NEO1: variants seen among roughly 807,000 people sequenced by gnomAD.
NEO1 encodes neogenin 1, also known as neogenin.
In NEO1, 63 loss-of-function variants were observed where a neutral mutation model predicts 159.7. That is an observed-to-expected ratio of 0.39 (90% CI 0.32 to 0.49). The LOEUF (loss-of-function observed/expected upper bound fraction) is 0.49, where lower values mean the gene tolerates loss of function less well. Among genes scored for constraint, NEO1 ranks in the 20% least tolerant of loss-of-function variants. The pLI, the probability that NEO1 is intolerant of heterozygous loss-of-function variation, is 0.85. For missense variants in NEO1, 1,615 were observed against 1,831.0 expected, an observed-to-expected ratio of 0.88 and a Z score of 2.15; for synonymous variants, 633 against 662.0, an observed-to-expected ratio of 0.96 and a Z score of 0.67.
chr15:73,272,486 T>C lies in NEO1; in HGVS notation c.2889T>C (p.Val963=). The C allele has an allele frequency of 6.2e-7, 1 of 1,614,090 alleles. No homozygotes were observed. Among genetic ancestry groups the C allele is most frequent in the Non-Finnish European group, 8.5e-7 (1 of 1,179,958 alleles). The change falls in exon 19 of 29, where the codon GTT becomes GTC. Residue 963 remains valine (V), a synonymous_variant. Coordinates refer to ENST00000261908, the MANE Select transcript of NEO1 (RefSeq NM_002499.4). Reference sequence around the variant, plus strand: ...CTTCTCCACCCAAGGATGTGACTGTTGTGAGTAAAGAGGGGAAACCTAAGA... The same window carrying C: ...CTTCTCCACCCAAGGATGTGACTGTCGTGAGTAAAGAGGGGAAACCTAAGA... ...VPTSPPKDVT[V]VSKEGKPKTI...
At chr15:73,055,540 A>G (rs2067653725) in intron 1 of NEO1, among the ~76,000 whole-genome samples, 1 of 152,120 alleles carries the variant, frequency 6.6e-6, no homozygotes, top group Non-Finnish European at 1.5e-5. Flanking sequence ...TAGTATCTAA[A>G]GCTTATCTCA....
At chr15:73,273,776 G>A (rs1330805727) in intron 19 of NEO1, 35 bp from the exon 20 acceptor site, 2 of 1,536,784 alleles carry the variant, frequency 1.3e-6, no homozygotes, top group African/African-American at 2.7e-5. Context: ...AAAAGCAGGA[G>A]TGAGATTTCT....
At chr15:73,252,396 G>A (rs2040123684) in intron 11 of NEO1, among the ~76,000 whole-genome samples, 1 of 152,170 alleles carries the variant, frequency 6.6e-6, no homozygotes, top group South Asian at 2.1e-4. Flanking sequence ...CTAAAGTGAG[G>A]AACTAAAGTT....
intron 6 of NEO1, 60 bp from the exon 7 acceptor site, chr15:73,178,243 TGAGA>T: frequency 6.8e-7 from 1 of 1,466,772 alleles, no homozygotes; most frequent in Admixed American, 2.0e-5. Context: ...AGCATATTTT[TGAGA>T]TTTTGATCTG....
At chr15:73,057,432 A>G (rs993979575) in intron 1 of NEO1, among the ~76,000 whole-genome samples, 3 of 152,134 alleles carry the variant, frequency 2.0e-5, no homozygotes, top group Non-Finnish European at 2.9e-5. Flanking sequence ...TTACCATATC[A>G]TTGGTAAGTG....
intron 8 of NEO1, among the ~76,000 whole-genome samples, chr15:73,238,625 A>G (rs1271386078): frequency 6.6e-6 from 1 of 151,940 alleles, no homozygotes; most frequent in Non-Finnish European, 1.5e-5. Flanking sequence ...TCATTTGGAG[A>G]ACAGGAAAGG....
At chr15:73,262,847 G>C (rs902052162) in intron 15 of NEO1, among the ~76,000 whole-genome samples, 4 of 152,162 alleles carry the variant, frequency 2.6e-5, no homozygotes, top group Non-Finnish European at 4.4e-5. Context: ...GTGGTAAATC[G>C]TGATATATCC....
At chr15:73,216,294 G>A (rs1383003147) in intron 7 of NEO1, among the ~76,000 whole-genome samples, 1 of 152,066 alleles carries the variant, frequency 6.6e-6, no homozygotes, top group Non-Finnish European at 1.5e-5. Context: ...AGTATTCCAT[G>A]GTGTATATGT....
chr15:73,098,494 TAGGTAAATACACTCATTTTTCTCC>T (rs1247105358), intron 1 of NEO1, among the ~76,000 whole-genome samples: 1 of 152,182 alleles, frequency 6.6e-6, no homozygotes, highest in African/African-American at 2.4e-5. Context: ...CTACATTTCT[TAGGTAAATACACTCATTTTTCTCC>T]AAACTTACTT....
At chr15:73,154,953 G>T (rs2033668577) in intron 5 of NEO1, among the ~76,000 whole-genome samples, 3 of 149,070 alleles carry the variant, frequency 2.0e-5, no homozygotes, top group Admixed American at 2.0e-4. Context: ...ATGGAATTCT[G>T]TTGTGTTGCC....
intron 1 of NEO1, among the ~76,000 whole-genome samples, chr15:73,089,715 C>T (rs943064566): frequency 6.6e-6 from 1 of 151,590 alleles, no homozygotes; most frequent in Non-Finnish European, 1.5e-5. Flanking sequence ...TAGATTGATA[C>T]AGCCTTTTTT....
intron 7 of NEO1, among the ~76,000 whole-genome samples, chr15:73,190,154 T>G (rs572406617): frequency 6.6e-6 from 1 of 152,316 alleles, no homozygotes; most frequent in Non-Finnish European, 1.5e-5. Flanking sequence ...ACTGGTCAAT[T>G]AAGAGTAGTA....
At chr15:73,209,942 G>T (rs1017355893) in intron 7 of NEO1, among the ~76,000 whole-genome samples, 3 of 152,154 alleles carry the variant, frequency 2.0e-5, no homozygotes, top group Non-Finnish European at 4.4e-5. Flanking sequence ...GGCGGAGGTT[G>T]CAGGGAGCCG....
intron 7 of NEO1, among the ~76,000 whole-genome samples, chr15:73,236,035 T>C (rs1160719806): frequency 6.6e-6 from 1 of 152,188 alleles, no homozygotes; most frequent in South Asian, 2.1e-4. Flanking sequence ...CCCTTGCCCA[T>C]AACCATTATA....
intron 2 of NEO1, among the ~76,000 whole-genome samples, chr15:73,120,729 G>C (rs8037213): frequency 0.097 from 14,637 of 151,672 alleles, 764 homozygotes; most frequent in South Asian, 0.1. Flanking sequence ...GCCAACTTCA[G>C]ACACCCATGA....
intron 15 of NEO1, among the ~76,000 whole-genome samples, chr15:73,262,604 A>G (rs1420796961): frequency 6.6e-6 from 1 of 152,244 alleles, no homozygotes; most frequent in Admixed American, 6.5e-5. Flanking sequence ...ACTGGCAATA[A>G]CAAATATCAA....
intron 7 of NEO1, among the ~76,000 whole-genome samples, chr15:73,213,051 A>G (rs1461760609): frequency 1.3e-5 from 2 of 152,178 alleles, no homozygotes; most frequent in African/African-American, 4.8e-5. Flanking sequence ...TAATCTTTGT[A>G]TACTTCTTAA....
At chr15:73,239,069 G>A (rs887991471) in intron 8 of NEO1, among the ~76,000 whole-genome samples, 2 of 151,972 alleles carry the variant, frequency 1.3e-5, no homozygotes, top group Non-Finnish European at 2.9e-5. Context: ...GGCTGGTATC[G>A]GACTCCTGAC....
chr15:73,130,476 C>T (rs953651733), intron 4 of NEO1, among the ~76,000 whole-genome samples: 6 of 152,176 alleles, frequency 3.9e-5, no homozygotes, highest in Non-Finnish European at 8.8e-5. Flanking sequence ...AAGAGCATCT[C>T]AGCAAGACAA....
Sources: gnomAD v4.1 joint callset for allele counts (sites outside exome capture counted in the v4.1 genomes callset) on GRCh38, gnomAD v4.1.1 for gene constraint, MANE v1.5 for transcripts, NCBI Gene and HGNC (gene_info 2026-07-23, HGNC 2026-07-21) for gene names.